TTC28: variants seen among roughly 807,000 people sequenced by gnomAD.
TTC28 encodes the protein tetratricopeptide repeat domain 28.
In TTC28, 61 loss-of-function variants were observed where a neutral mutation model predicts 198.0. That is an observed-to-expected ratio of 0.31 (90% CI 0.25 to 0.38). The LOEUF (loss-of-function observed/expected upper bound fraction) is 0.38. Among genes scored for constraint, TTC28 ranks in the 10% least tolerant of loss-of-function variants. The probability of loss-of-function intolerance (pLI) is 1.00; values close to 1 mark genes in which losing one functional copy is unlikely to be tolerated. For missense variants in TTC28, 2,678 were observed against 3,164.0 expected (o/e 0.85, Z 3.69); for synonymous variants, 1,171 against 1,297.8 (o/e 0.90, Z 2.10).
At chr22:28,528,837 A>C (rs2049067064) in intron 2 of TTC28, among the ~76,000 whole-genome samples, 1 of 152,194 alleles carries the variant, frequency 6.6e-6, no homozygotes, top group Non-Finnish European at 1.5e-5. Context: ...TGGAAAACAC[A>C]AAGAAATTAA....
chr22:28,573,376 C>T (rs2050093292), intron 2 of TTC28, among the ~76,000 whole-genome samples: 2 of 151,848 alleles, frequency 1.3e-5, no homozygotes, highest in Admixed American at 1.3e-4. Flanking sequence ...ATCACTTGAA[C>T]TTGGGAGGCA....
rs1279595560 is a variant in TTC28, at chr22:28,014,359, G to A, written c.4107C>T (p.Asn1369=). 1 of 1,551,354 alleles carries A rather than the reference G, an allele frequency of 6.4e-7. No homozygotes were observed. Among genetic ancestry groups the A allele is most frequent in the Non-Finnish European group, 8.7e-7 (1 of 1,146,914 alleles). ...SCQSMTSLFS[N]TVSPTQDGTS... Reference sequence around the variant, plus strand: ...TCCCGTCCTGGGTCGGTGACACAGTGTTACTGAACAGGCTCGTCATGCTCT... The same window carrying A: ...TCCCGTCCTGGGTCGGTGACACAGTATTACTGAACAGGCTCGTCATGCTCT... Residue 1369 remains asparagine (N), a synonymous_variant, in exon 14 of 23, where the codon AAC becomes AAT. Coordinates refer to ENST00000397906, the MANE Select transcript of TTC28 (RefSeq NM_001145418.2).
At chr22:28,638,474 A>G (rs2051310382) in intron 1 of TTC28, among the ~76,000 whole-genome samples, 1 of 152,146 alleles carries the variant, frequency 6.6e-6, no homozygotes, top group Non-Finnish European at 1.5e-5. Flanking sequence ...AAAAATTTTA[A>G]TGTCTGCATG....
At chr22:28,135,512 G>A (rs1020397704) in intron 6 of TTC28, among the ~76,000 whole-genome samples, 1 of 152,184 alleles carries the variant, frequency 6.6e-6, no homozygotes, top group African/African-American at 2.4e-5. Context: ...GGAAGGCTGT[G>A]TGGCAGACAG....
chr22:28,112,663 G>C (rs528255900), intron 6 of TTC28, among the ~76,000 whole-genome samples: 1 of 152,146 alleles, frequency 6.6e-6, no homozygotes, highest in Non-Finnish European at 1.5e-5. Flanking sequence ...ACTTAAAAGC[G>C]GCCCCAGAGC....
At chr22:28,060,245 C>T (rs1362988636) in intron 12 of TTC28, among the ~76,000 whole-genome samples, 1 of 152,134 alleles carries the variant, frequency 6.6e-6, no homozygotes, top group African/African-American at 2.4e-5. Flanking sequence ...TATCCTTCCC[C>T]CATCCCCCAA....
At chr22:28,030,465 C>T (rs1011185327) in intron 12 of TTC28, 99 bp from the exon 13 acceptor site, 1 of 1,446,614 alleles carries the variant, frequency 6.9e-7, no homozygotes, top group Admixed American at 2.2e-5. Context: ...CCAAACGAAC[C>T]TCTAGTACCG....
chr22:28,149,859 T>C (rs1410451758), intron 6 of TTC28, among the ~76,000 whole-genome samples: 2 of 152,202 alleles, frequency 1.3e-5, no homozygotes, highest in African/African-American at 4.8e-5. Context: ...GTTAATAATG[T>C]ATATTTCAAA....
At chr22:28,444,723 C>T (rs1476728195) in intron 2 of TTC28, among the ~76,000 whole-genome samples, 2 of 152,194 alleles carry the variant, frequency 1.3e-5, no homozygotes, top group African/African-American at 2.4e-5. Flanking sequence ...CCTACTAGAG[C>T]TTATGCCTTT....
intron 1 of TTC28, among the ~76,000 whole-genome samples, chr22:28,676,738 G>C (rs996448500): frequency 1.4e-5 from 2 of 146,258 alleles, no homozygotes; most frequent in African/African-American, 2.5e-5. Context: ...AAAAAAAAAA[G>C]CCAGGTGTGG....
intron 2 of TTC28, among the ~76,000 whole-genome samples, chr22:28,513,407 A>C (rs904573926): frequency 6.6e-6 from 1 of 152,148 alleles, no homozygotes; most frequent in Non-Finnish European, 1.5e-5. Flanking sequence ...GACTTTTTCT[A>C]ATCCAAAAAG....
intron 5 of TTC28, among the ~76,000 whole-genome samples, chr22:28,241,199 A>G (rs572211754): frequency 6.6e-6 from 1 of 152,314 alleles, no homozygotes; most frequent in South Asian, 2.1e-4. Context: ...ACTGAGAAGA[A>G]TAAGTATCAC....
chr22:28,100,902 A>C (rs542303683), intron 9 of TTC28, among the ~76,000 whole-genome samples: 1 of 152,372 alleles, frequency 6.6e-6, no homozygotes, highest in East Asian at 1.9e-4. Flanking sequence ...TCATGAGATG[A>C]ATATAATTTC....
chr22:28,110,515 G>C (rs1401098837), intron 6 of TTC28, among the ~76,000 whole-genome samples: 1 of 152,064 alleles, frequency 6.6e-6, no homozygotes, highest in Non-Finnish European at 1.5e-5. Flanking sequence ...AATTCTTAAG[G>C]TGCTGGAAAT....
intron 5 of TTC28, among the ~76,000 whole-genome samples, chr22:28,218,081 C>T (rs1327659545): frequency 5.3e-5 from 8 of 152,136 alleles, no homozygotes; most frequent in Non-Finnish European, 1.0e-4. Context: ...GAATATCATT[C>T]TTTACCATTA....
chr22:28,133,671 C>T (rs1032035536), intron 6 of TTC28, among the ~76,000 whole-genome samples: 2 of 152,174 alleles, frequency 1.3e-5, no homozygotes, highest in African/African-American at 4.8e-5. Context: ...GGAGGGGCGC[C>T]CACCAATGCT....
At chr22:28,391,472 G>A (rs939239907) in intron 2 of TTC28, among the ~76,000 whole-genome samples, 4 of 152,142 alleles carry the variant, frequency 2.6e-5, no homozygotes, top group African/African-American at 7.2e-5. Context: ...GTCACTTTCA[G>A]GTACACCAAT....
intron 12 of TTC28, among the ~76,000 whole-genome samples, chr22:28,073,449 T>C (rs1381491002): frequency 6.6e-6 from 1 of 152,124 alleles, no homozygotes; most frequent in Non-Finnish European, 1.5e-5. Context: ...CAGAAGAAGA[T>C]GGAGGAGTGC....
chr22:28,084,811 C>A (rs973632480), intron 12 of TTC28, among the ~76,000 whole-genome samples: 5 of 151,968 alleles, frequency 3.3e-5, no homozygotes, highest in Non-Finnish European at 7.4e-5. Flanking sequence ...CAGAGAAGTC[C>A]TCAAAGGACC....
Sources: gnomAD v4.1 joint callset for allele counts (sites outside exome capture counted in the v4.1 genomes callset) on GRCh38, gnomAD v4.1.1 for gene constraint, MANE v1.5 for transcripts, NCBI Gene and HGNC (gene_info 2026-07-23, HGNC 2026-07-21) for gene names.